NPAS3: variants seen among roughly 807,000 people sequenced by gnomAD.
NPAS3 encodes the protein neuronal PAS domain-containing protein 3.
Under a neutral mutation model 73.1 loss-of-function variants are expected in NPAS3, and 14 were observed. The ratio of observed to expected loss-of-function variants is 0.19; its 90% confidence interval spans 0.13 to 0.30. The LOEUF is 0.30. NPAS3 is among the 10% of genes least tolerant of loss of function. The pLI is 1.00. For missense variants in NPAS3, 1,096 were observed against 1,250.0 expected (o/e 0.88, Z 1.86); for synonymous variants, 620 against 541.5 (o/e 1.14, Z -2.01).
Position 33,278,415 on chromosome 14 carries a change from T to G in NPAS3, c.385+62989T>G, listed in dbSNP as rs368730372. ...AAGGATCTCTAGACCTGCCAATATT[T>G]ATAGATCAGAAAATGATGAGGACTT... is the stretch of plus-strand genomic sequence containing the variant. On this transcript the variant is annotated intron_variant, in intron 3 of 11. Transcript: ENST00000356141. Among the ~76,000 whole-genome samples, 3 of 151,952 alleles carry G rather than the reference T, an allele frequency of 2.0e-5. No homozygotes were observed. In the East Asian group the frequency reaches 5.8e-4, roughly 29 times the overall value.
chr14:33,784,667 G>A (rs1308279634), intron 9 of NPAS3, among the ~76,000 whole-genome samples: 1 of 150,700 alleles, frequency 6.6e-6, no homozygotes, highest in Non-Finnish European at 1.5e-5. Context: ...ACATGGATTC[G>A]CAAGCTTCTC....
At chr14:32,939,977 C>T (rs2035916174) in intron 1 of NPAS3, among the ~76,000 whole-genome samples, 1 of 152,214 alleles carries the variant, frequency 6.6e-6, no homozygotes, top group South Asian at 2.1e-4. Context: ...CTCCCTGCCT[C>T]CCGGGCTGCG....
chr14:33,386,429 C>T (rs558314699), intron 4 of NPAS3, among the ~76,000 whole-genome samples: 2 of 152,134 alleles, frequency 1.3e-5, no homozygotes, highest in Non-Finnish European at 2.9e-5. Context: ...GTTATTATCT[C>T]CAGCAAGTAT....
intron 2 of NPAS3, among the ~76,000 whole-genome samples, chr14:33,154,282 C>G (rs1043758312): frequency 6.6e-6 from 1 of 152,208 alleles, no homozygotes; most frequent in South Asian, 2.1e-4. Flanking sequence ...GTTGGCCCTT[C>G]ATGAGTTTGT....
At chr14:33,448,798 C>T (rs1181451861) in intron 4 of NPAS3, among the ~76,000 whole-genome samples, 2 of 152,096 alleles carry the variant, frequency 1.3e-5, no homozygotes, top group Non-Finnish European at 2.9e-5. Context: ...AATGTCCGTA[C>T]AGATGTGAAT....
chr14:33,089,165 T>C (rs1036047146), intron 2 of NPAS3, among the ~76,000 whole-genome samples: 14 of 152,160 alleles, frequency 9.2e-5, no homozygotes, highest in African/African-American at 3.4e-4. Context: ...CTTTGACGAG[T>C]TGAGAGAAGA....
intron 6 of NPAS3, among the ~76,000 whole-genome samples, chr14:33,694,870 T>C (rs554987432): frequency 6.6e-6 from 1 of 152,344 alleles, no homozygotes; most frequent in African/African-American, 2.4e-5. Context: ...TTCCAGATCA[T>C]TTAATTCTCT....
chr14:33,635,949 A>T (rs570481094), intron 5 of NPAS3, among the ~76,000 whole-genome samples: 1 of 152,052 alleles, frequency 6.6e-6, no homozygotes, highest in South Asian at 2.1e-4. Flanking sequence ...GACTAGACCT[A>T]ACTTTTTTTT....
At chr14:33,306,959 C>T (rs1003351909) in intron 3 of NPAS3, among the ~76,000 whole-genome samples, 30 of 152,160 alleles carry the variant, frequency 2.0e-4, no homozygotes, top group Non-Finnish European at 3.8e-4. Flanking sequence ...AACGAGGCCT[C>T]CTCTGAGAAG....
chr14:33,116,150 T>C (rs1435834880), intron 2 of NPAS3, among the ~76,000 whole-genome samples: 2 of 152,242 alleles, frequency 1.3e-5, no homozygotes, highest in Admixed American at 1.3e-4. Flanking sequence ...ATGCCACTCT[T>C]CTCAGTGAGA....
chr14:33,116,111 T>G (rs2043057778), intron 2 of NPAS3, among the ~76,000 whole-genome samples: 2 of 152,124 alleles, frequency 1.3e-5, no homozygotes, highest in Admixed American at 1.3e-4. Context: ...GGGTGCCTTT[T>G]AGTGGCTTTT....
At chr14:32,967,216 T>A in intron 1 of NPAS3, among the ~76,000 whole-genome samples, 1 of 152,200 alleles carries the variant, frequency 6.6e-6, no homozygotes, top group Non-Finnish European at 1.5e-5. Flanking sequence ...CACTTCCACT[T>A]AATGAATAGT....
chr14:33,014,923 G>A (rs1340227021), intron 1 of NPAS3, among the ~76,000 whole-genome samples: 4 of 152,184 alleles, frequency 2.6e-5, no homozygotes, highest in Non-Finnish European at 5.9e-5. Context: ...TCTGTGCTGT[G>A]CCCAGCAGTA....
At chr14:33,389,840 G>T (rs950822961) in intron 4 of NPAS3, among the ~76,000 whole-genome samples, 25 of 152,050 alleles carry the variant, frequency 1.6e-4, no homozygotes, top group African/African-American at 6.0e-4. Context: ...CTCTTTATGT[G>T]TGTTCATATT....
intron 5 of NPAS3, among the ~76,000 whole-genome samples, chr14:33,566,720 G>T (rs574361503): frequency 6.6e-6 from 1 of 152,132 alleles, no homozygotes; most frequent in Admixed American, 6.5e-5. Flanking sequence ...CTCTGTAGTT[G>T]CAGGGTGTTT....
At chr14:33,027,258 A>T (rs532406213) in intron 1 of NPAS3, among the ~76,000 whole-genome samples, 1 of 152,178 alleles carries the variant, frequency 6.6e-6, no homozygotes, top group Non-Finnish European at 1.5e-5. Context: ...AGGAGTTTAC[A>T]TAGATGGAAA....
chr14:33,127,683 GAA>G (rs1566588923), intron 2 of NPAS3, among the ~76,000 whole-genome samples: 1 of 152,138 alleles, frequency 6.6e-6, no homozygotes, highest in Admixed American at 6.6e-5. Context: ...TGAGAAGTTA[GAA>G]AGTTTCTGGA....
In NPAS3 at chr14:33,583,727, C is replaced by T. The variant is rs186131155; in HGVS notation, c.558+23517C>T. On this transcript the variant is annotated intron_variant, in intron 5 of 11. Coordinates refer to ENST00000356141, the Ensembl canonical transcript of NPAS3. ...AGAGACTATAGACATATGTAGTCAG[C>T]AAAGAAAGGGGCAGATGTCAATGGC... is the stretch of plus-strand genomic sequence containing the variant. Among the ~76,000 whole-genome samples, 81 of 152,176 alleles carry T rather than the reference C, an allele frequency of 5.3e-4. 1 individual carries two copies. The Middle Eastern group carries it at 0.024, about 45-fold the overall frequency.
At chr14:33,801,649 G>C (rs924188071), downstream of NPAS3, 1 of 152,120 alleles carries the variant, frequency 6.6e-6, no homozygotes, top group Non-Finnish European at 1.5e-5. Context: ...CTCTTTTTAC[G>C]GTTAAGATTT....
Sources: gnomAD v4.1 joint callset for allele counts (sites outside exome capture counted in the v4.1 genomes callset) on GRCh38, gnomAD v4.1.1 for gene constraint, MANE v1.5 for transcripts, NCBI Gene and HGNC (gene_info 2026-07-23, HGNC 2026-07-21) for gene names.